The following BRD4 variants were observed in gnomAD, a reference collection of about 807,000 sequenced individuals.
BRD4 encodes the protein bromodomain-containing protein 4.
A neutral mutation model predicts 142.1 loss-of-function variants in BRD4; 16 were observed. The observed-to-expected ratio is 0.11, with a 90% CI of 0.08 to 0.17. The LOEUF (loss-of-function observed/expected upper bound fraction) is 0.17, where lower values mean the gene tolerates loss of function less well. Among genes scored for constraint, BRD4 ranks in the 10% least tolerant of loss-of-function variants. BRD4 has a pLI of 1.00. For missense variants in BRD4, 1,424 were observed against 1,810.9 expected (o/e 0.79, Z 3.88); for synonymous variants, 833 against 707.5 (o/e 1.18, Z -2.82).
chr19:15,272,147 T>G (rs1164776625), intron 2 of BRD4, among the ~76,000 whole-genome samples: 1 of 152,152 alleles, frequency 6.6e-6, no homozygotes, highest in Non-Finnish European at 1.5e-5. Context: ...CAGAACAGTT[T>G]GCTAGGGACA....
intron 2 of BRD4, among the ~76,000 whole-genome samples, chr19:15,272,484 G>C (rs991187106): frequency 6.6e-6 from 1 of 152,118 alleles, no homozygotes; most frequent in Non-Finnish European, 1.5e-5. Context: ...GAAATGAAGG[G>C]GCTAGGATGG....
At position 15,244,340 on chromosome 19, in the gene BRD4, G is replaced by C. The variant is rs1332104677; in HGVS notation, c.2472C>G (p.Thr824=). ...GCTGCGGCAGGTGCAGGATGGGCTG[G>C]GTGAAGTGGCCGATGGGGTCAAAGA... ...GSVFDPIGHF[T]QPILHLPQPE... The change falls in exon 13 of 20, where the codon ACC becomes ACG. Residue 824 remains threonine, a synonymous_variant. Transcript: ENST00000679869. The C allele has an allele frequency of 2.8e-5, 45 of 1,602,122 alleles. No homozygotes were observed. The highest frequency in any genetic ancestry group is 3.6e-5 in the Non-Finnish European group (42 of 1,176,670).
intron 1 of BRD4, among the ~76,000 whole-genome samples, chr19:15,283,794 G>A (rs1470267717): frequency 6.6e-6 from 1 of 152,232 alleles, no homozygotes; most frequent in East Asian, 1.9e-4. Context: ...GCAGAGCAGC[G>A]GCTGACTCAA....
intron 1 of BRD4, among the ~76,000 whole-genome samples, chr19:15,281,704 T>C (rs777332985): frequency 5.9e-5 from 9 of 152,182 alleles, no homozygotes; most frequent in Non-Finnish European, 1.2e-4. Flanking sequence ...AAAACAAAAC[T>C]TTGACATGGA....
rs1459899876 is a variant in BRD4 at position 15,257,089 on chromosome 19, G to A, written c.1426C>T (p.Pro476Ser). The A allele has an allele frequency of 2.5e-6, 4 of 1,608,058 alleles. No homozygotes were observed. Among genetic ancestry groups the A allele is most frequent in the Non-Finnish European group, 2.5e-6 (3 of 1,179,128 alleles). Residue 476 changes from proline to serine, a missense_variant, in exon 8 of 20, where the codon CCC becomes TCC. Physicochemically the swap from Pro to Ser is moderately conservative, Grantham distance 74. Coordinates refer to ENST00000679869, the MANE Select transcript of BRD4 (RefSeq NM_001379291.1). ...GAGGGCGGGGCCACAACCTTGGTGG[G>A]AGGGGGCACTGCCGGGGAGGACACG... ...VAVSSPAVPP[P>S]TKVVAPPSSS...
chr19:15,287,188 T>C (rs1474575024), intron 1 of BRD4, among the ~76,000 whole-genome samples: 1 of 152,056 alleles, frequency 6.6e-6, no homozygotes, highest in Non-Finnish European at 1.5e-5. Flanking sequence ...ATTGTTGAGT[T>C]TCCTGTATGC....
intron 1 of BRD4, among the ~76,000 whole-genome samples, chr19:15,323,577 T>C (rs993807647): frequency 2.0e-5 from 3 of 152,208 alleles, no homozygotes; most frequent in Admixed American, 6.5e-5. Flanking sequence ...CCCATAGACA[T>C]GTATGTGTTA....
chr19:15,329,788 A>C (rs2048141326), intron 1 of BRD4, among the ~76,000 whole-genome samples: 1 of 152,210 alleles, frequency 6.6e-6, no homozygotes, highest in East Asian at 1.9e-4. Flanking sequence ...AAATCTGTAA[A>C]TCTGAAGTCA....
intron 1 of BRD4, among the ~76,000 whole-genome samples, chr19:15,315,162 T>G (rs373526961): frequency 6.6e-6 from 1 of 151,886 alleles, no homozygotes; most frequent in East Asian, 1.9e-4. Context: ...GTTTTTTTTT[T>G]CCCCCCACAG....
In BRD4 at chr19:15,254,247, A is replaced by T; in HGVS notation, c.2063T>A (p.Val688Glu). Residue 688 changes from valine to glutamate, a missense_variant, in exon 11 of 20, where the codon GTG becomes GAG. By Grantham distance (121) the Val-to-Glu change is moderately radical. This residue lies in a region of BRD4 where 598 missense variants were observed against 647.8 expected (regional missense o/e 0.92). Transcript: ENST00000679869. The part of the protein sequence containing the change: ...KRKPQAEKVD[V>E]IAGSSKMKGF... Reference sequence around the variant, plus strand: ...CTTCATCTTGGAGGAGCCGGCAATCACATCAACTTTCTCAGCTGCAATCCA... The same window carrying T: ...CTTCATCTTGGAGGAGCCGGCAATCTCATCAACTTTCTCAGCTGCAATCCA... 4 of 1,614,162 alleles carry T rather than the reference A, an allele frequency of 2.5e-6. No homozygotes were observed. Among genetic ancestry groups the T allele is most frequent in the Non-Finnish European group, 3.4e-6 (4 of 1,180,008 alleles).
chr19:15,317,753 A>G (rs148556004), intron 1 of BRD4, among the ~76,000 whole-genome samples: 1,590 of 152,346 alleles, frequency 0.01, 21 homozygotes, highest in Non-Finnish European at 0.016. Context: ...AGGATAAGCA[A>G]GCTGCAGGCA....
At chr19:15,254,808 C>T (rs2047387936) in intron 10 of BRD4, among the ~76,000 whole-genome samples, 1 of 152,124 alleles carries the variant, frequency 6.6e-6, no homozygotes, top group Admixed American at 6.5e-5. Context: ...CACCGATCCT[C>T]AGAGGAAAGC....
At chr19:15,270,996 C>CT (rs2047581532) in intron 2 of BRD4, among the ~76,000 whole-genome samples, 1 of 152,186 alleles carries the variant, frequency 6.6e-6, no homozygotes, top group East Asian at 1.9e-4. Flanking sequence ...GATTCACACT[C>CT]TGCCTGGACC....
At chr19:15,313,752 GGAGTAAAA>G (rs1476630943) in intron 1 of BRD4, among the ~76,000 whole-genome samples, 1 of 152,176 alleles carries the variant, frequency 6.6e-6, no homozygotes, top group Non-Finnish European at 1.5e-5. Flanking sequence ...CTGTAATCAT[GGAGTAAAA>G]GCCAAGCAGG....
intron 2 of BRD4, among the ~76,000 whole-genome samples, chr19:15,269,809 C>T (rs1047585269): frequency 9.2e-5 from 14 of 152,220 alleles, no homozygotes; most frequent in African/African-American, 2.2e-4. Context: ...CAGATGTAAA[C>T]GTCTTAAAGT....
chr19:15,319,055 T>C (rs1330734497), intron 1 of BRD4, among the ~76,000 whole-genome samples: 2 of 152,192 alleles, frequency 1.3e-5, no homozygotes, highest in Non-Finnish European at 2.9e-5. Context: ...AAAACCAGCC[T>C]GGCACAGTGG....
chr19:15,287,682 A>G (rs2047750521), intron 1 of BRD4, among the ~76,000 whole-genome samples: 1 of 152,162 alleles, frequency 6.6e-6, no homozygotes, highest in South Asian at 2.1e-4. Flanking sequence ...ACCCAGCGTG[A>G]GTGAAACCAC....
chr19:15,274,312 G>C (rs1302345667), intron 1 of BRD4, among the ~76,000 whole-genome samples: 10 of 152,200 alleles, frequency 6.6e-5, no homozygotes, highest in African/African-American at 7.2e-5. Flanking sequence ...AGGCTGGAGA[G>C]GGCTTCCATG....
At chr19:15,262,537 A>G (rs1343466797) in intron 7 of BRD4, among the ~76,000 whole-genome samples, 5 of 141,676 alleles carry the variant, frequency 3.5e-5, no homozygotes, top group African/African-American at 8.7e-5. Flanking sequence ...AAAAAAAAAA[A>G]AAAAAGAAAA....
Sources: allele counts gnomAD v4.1 joint callset (sites outside exome capture counted in the v4.1 genomes callset), GRCh38; gene constraint gnomAD v4.1.1; regional missense constraint gnomAD v4.1.1; transcripts MANE v1.5; gene names NCBI Gene and HGNC (gene_info 2026-07-23, HGNC 2026-07-21).